RPS28: variants seen among roughly 807,000 people sequenced by gnomAD.
RPS28 encodes the protein ribosomal protein S28.
RPS28 carries 2 observed loss-of-function variants against 9.4 expected under a neutral mutation model. That is an observed-to-expected ratio of 0.21 (90% CI 0.09 to 0.67). The LOEUF (loss-of-function observed/expected upper bound fraction) is 0.67. Ranked by LOEUF, RPS28 falls within the 30% of genes least tolerant of loss-of-function variation. The pLI is 0.82. For missense variants in RPS28, 35 were observed against 95.3 expected (o/e 0.37, Z 2.63); for synonymous variants, 41 against 37.8 (o/e 1.08, Z -0.31).
Position 8,322,058 on chromosome 19 carries a change from G to C in RPS28, c.193G>C (p.Ala65Pro). The stretch of plus-strand genomic sequence containing the variant: ...CACCCTTTTGGAGTCAGAGCGAGAA[G>C]CCCGGAGGTTGCGCTGAGCTTGGCT... Reference protein sequence around the residue: ...VLTLLESEREARRLR With the variant: ...VLTLLESEREPRRLR Residue 65 changes from alanine (A) to proline (P), a missense_variant, in exon 3 of 4, where the codon GCC becomes CCC. Ala to Pro is a conservative substitution (Grantham distance 27). This residue lies in a region of RPS28 where 10 missense variants were observed against 62.8 expected (regional missense o/e 0.16). Coordinates refer to ENST00000600659, the MANE Select transcript of RPS28 (RefSeq NM_001031.5). 1 of 1,612,878 alleles carries C rather than the reference G, an allele frequency of 6.2e-7. No homozygotes were observed. The highest frequency in any genetic ancestry group is 8.5e-7 in the Non-Finnish European group (1 of 1,179,310).
In RPS28 at chr19:8,322,837, G is replaced by C. The variant is rs773608972; in HGVS notation, c.*582G>C. On this transcript the variant is annotated 3_prime_UTR_variant, in exon 4 of 4. Transcript: ENST00000600659. ...TAGGTGTAGTGAGCCAGACGAGGCAGCTTACTGAACCTGGGGGTTCTCTCC... is the reference window on the plus strand; with the variant it reads ...TAGGTGTAGTGAGCCAGACGAGGCACCTTACTGAACCTGGGGGTTCTCTCC... 8 of 1,604,364 alleles carry C rather than the reference G, an allele frequency of 5.0e-6. No individual in the cohort carries two copies. The highest frequency in any genetic ancestry group is 4.4e-5 in the South Asian group (4 of 90,084).
At position 8,322,578 on chromosome 19, in the gene RPS28, C is replaced by T. The variant is rs1266914260; in HGVS notation, c.*323C>T. ...TGCACCCTCTACCCCAAACAAAACA[C>T]AAGCGTAGTAGGAATGTTTTATTAG... On this transcript the variant is annotated 3_prime_UTR_variant, in exon 4 of 4. Coordinates refer to ENST00000600659, the MANE Select transcript of RPS28 (RefSeq NM_001031.5). The T allele has an allele frequency of 1.9e-6, 1 of 537,482 alleles. No individual in the cohort carries two copies. The highest frequency in any genetic ancestry group is 1.9e-5 in the African/African-American group (1 of 52,328). 33.3% of individuals were successfully genotyped at this position (537,482 alleles called of 1,614,324 possible). A position where few individuals can be genotyped will look rare whatever the true frequency, so the allele number is the denominator to read the frequency against.
intron 3 of RPS28, 48 bp from the exon 4 acceptor site, chr19:8,322,224 C>T: frequency 4.9e-6 from 5 of 1,021,750 alleles, no homozygotes; most frequent in Non-Finnish European, 7.4e-6. Flanking sequence ...GGGAGTTTGC[C>T]AATTGCTGCG....
rs1461247374 is a variant in RPS28 at position 8,321,676 on chromosome 19, G to A, written c.60G>A (p.Arg20=). ...KLARVTKVLG[R]TGSQGQCTQV... is the part of the protein sequence containing the mutation. ...TCCAGGTCACCAAGGTCCTGGGCAG[G>A]ACCGGTTCTCAGGGACAGTGCACGC... The change falls in exon 2 of 4, where the codon AGG becomes AGA. Residue 20 remains arginine (R), a synonymous_variant. Transcript: ENST00000600659. The A allele has an allele frequency of 1.3e-6, 2 of 1,564,922 alleles. No homozygotes were observed. The highest frequency in any genetic ancestry group is 1.7e-6 in the Non-Finnish European group (2 of 1,155,142).
In RPS28 at chr19:8,322,678, G is replaced by C; in HGVS notation, c.*423G>C. On this transcript the variant is annotated 3_prime_UTR_variant, in exon 4 of 4. Coordinates refer to ENST00000600659, the MANE Select transcript of RPS28 (RefSeq NM_001031.5). ...CACCTCACCTTGGTGGGGCCAGAGTGAGCCCCTTCCTGCCACAGTCACCCC... is the reference window on the plus strand; with the variant it reads ...CACCTCACCTTGGTGGGGCCAGAGTCAGCCCCTTCCTGCCACAGTCACCCC... 2 of 615,006 alleles carry C rather than the reference G, an allele frequency of 3.3e-6. No homozygotes were observed. The highest frequency in any genetic ancestry group is 5.8e-6 in the Non-Finnish European group (2 of 347,304). 38.1% of individuals were successfully genotyped at this position (615,006 alleles called of 1,614,324 possible).
At chr19:8,322,186 T>C in intron 3 of RPS28, 86 bp from the exon 4 acceptor site, 1 of 1,359,596 alleles carries the variant, frequency 7.4e-7, no homozygotes, top group Non-Finnish European at 1.0e-6. Context: ...AGGCAGAGTC[T>C]ACATACAGAG....
Position 8,322,086 on chromosome 19 carries a change from T to C in RPS28, c.*11T>C. 1.2e-6 allele frequency: 2 copies of C among 1,611,490 alleles called. No individual in the cohort carries two copies. The highest frequency in any genetic ancestry group is 1.7e-6 in the Non-Finnish European group (2 of 1,178,412). On this transcript the variant is annotated 3_prime_UTR_variant, in exon 3 of 4. Coordinates refer to ENST00000600659, the MANE Select transcript of RPS28 (RefSeq NM_001031.5). ...CGGAGGTTGCGCTGAGCTTGGCTGC[T>C]CGCTGGTGGGTGCAAAGAGGACACC...
At chr19:8,321,819 G>T in intron 2 of RPS28, 116 bp downstream of exon 2, 1 of 1,487,224 alleles carries the variant, frequency 6.7e-7, no homozygotes, top group Non-Finnish European at 9.2e-7. Flanking sequence ...TTCATCACGG[G>T]GTTCTGATGG....
chr19:8,322,483 G>A lies in RPS28; in HGVS notation c.*228G>A. On this transcript the variant is annotated 3_prime_UTR_variant, in exon 4 of 4. Transcript: ENST00000600659. ...GCGGTCACCGATCCTCCGCACTCTGGAAATCCTGGCCGTGCGGTCTTGCCA... is the reference window on the plus strand; with the variant it reads ...GCGGTCACCGATCCTCCGCACTCTGAAAATCCTGGCCGTGCGGTCTTGCCA... 1 of 514,574 alleles carries A rather than the reference G, an allele frequency of 1.9e-6. No individual in the cohort carries two copies. Among genetic ancestry groups the A allele is most frequent in the Admixed American group, 2.6e-5 (1 of 38,752 alleles). 31.9% of individuals were successfully genotyped at this position (514,574 alleles called of 1,614,324 possible).
In RPS28 at chr19:8,322,347, A is replaced by G. The variant is rs923891077; in HGVS notation, c.*92A>G. ...AGTCTGCTCCTTTTTTTTGTCCGCC[A>G]CACGTAACTGAGATGCTCCTTTAAA... On this transcript the variant is annotated 3_prime_UTR_variant, in exon 4 of 4. Transcript: ENST00000600659. 4.7e-6 allele frequency: 3 copies of G among 633,840 alleles called. No homozygotes were observed. Among genetic ancestry groups the G allele is most frequent in the African/African-American group, 3.6e-5 (2 of 55,822 alleles). 39.3% of individuals were successfully genotyped at this position (633,840 alleles called of 1,614,324 possible). A position where few individuals can be genotyped will look rare whatever the true frequency, so the allele number is the denominator to read the frequency against.
chr19:8,322,806 C>T lies in RPS28; in HGVS notation c.*551C>T, dbSNP rs1248783622. The T allele has an allele frequency of 2.6e-6, 4 of 1,528,604 alleles. No individual in the cohort carries two copies. Among genetic ancestry groups the T allele is most frequent in the Non-Finnish European group, 3.6e-6 (4 of 1,105,696 alleles). The allele number at this position is 1,528,604 out of a possible 1,614,324, so 94.7% of individuals were successfully genotyped here. A position where few individuals can be genotyped will look rare whatever the true frequency, so the allele number is the denominator to read the frequency against. On this transcript the variant is annotated 3_prime_UTR_variant, in exon 4 of 4. Transcript: ENST00000600659. The stretch of plus-strand genomic sequence containing the variant: ...GAGGTGACTGACGAGGAGATCTCCC[C>T]ACAGCTAGGTGTAGTGAGCCAGACG...
Position 8,321,679 on chromosome 19 carries a change from C to T in RPS28, c.63C>T (p.Thr21=), listed in dbSNP as rs775284658. Residue 21 remains threonine, a synonymous_variant, in exon 2 of 4, where the codon ACC becomes ACT. Coordinates refer to ENST00000600659, the MANE Select transcript of RPS28 (RefSeq NM_001031.5). ...LARVTKVLGR[T]GSQGQCTQVR... is the part of the protein sequence containing the mutation. ...AGGTCACCAAGGTCCTGGGCAGGAC[C>T]GGTTCTCAGGGACAGTGCACGCAGG... The T allele has an allele frequency of 5.8e-6, 9 of 1,564,658 alleles. No individual in the cohort carries two copies. The highest frequency in any genetic ancestry group is 1.7e-4 in the Middle Eastern group (1 of 5,796).
rs756916280 is a variant in RPS28 at position 8,321,636 on chromosome 19, AC to A, written c.40-17del. 7 of 1,555,926 alleles carry A rather than the reference AC, an allele frequency of 4.5e-6. No individual in the cohort carries two copies. The highest frequency in any genetic ancestry group is 6.1e-6 in the Non-Finnish European group (7 of 1,151,220). ...GAGGAGCCAAACGGGCCGGGTCTGA[AC>A]CCAGCTTCTTTCCTCCAGGTCACCA... is the stretch of plus-strand genomic sequence containing the variant. On this transcript the variant is annotated intron_variant, in intron 1 of 3. Transcript: ENST00000600659.
chr19:8,322,000 T>C lies in RPS28; in HGVS notation c.135T>C (p.Asn45=). 1 of 1,613,096 alleles carries C rather than the reference T, an allele frequency of 6.2e-7. No individual in the cohort carries two copies. The highest frequency in any genetic ancestry group is 8.5e-7 in the Non-Finnish European group (1 of 1,179,674). ...MDDTSRSIIR[N]VKGPVREGDV... is the part of the protein sequence containing the mutation. The stretch of plus-strand genomic sequence containing the variant: ...ACACGAGCCGATCCATCATCCGCAA[T>C]GTAAAAGGCCCCGTGCGCGAGGGCG... The change falls in exon 3 of 4, where the codon AAT becomes AAC. Residue 45 remains asparagine (N), a synonymous_variant. Coordinates refer to ENST00000600659, the MANE Select transcript of RPS28 (RefSeq NM_001031.5).
Position 8,322,089 on chromosome 19 carries a change from C to T in RPS28, c.*14C>T, listed in dbSNP as rs1192114826. Reference sequence around the variant, plus strand: ...AGGTTGCGCTGAGCTTGGCTGCTCGCTGGTGGGTGCAAAGAGGACACCCCT... The same window carrying T: ...AGGTTGCGCTGAGCTTGGCTGCTCGTTGGTGGGTGCAAAGAGGACACCCCT... On this transcript the variant is annotated splice_region_variant and 3_prime_UTR_variant, in exon 3 of 4. Coordinates refer to ENST00000600659, the MANE Select transcript of RPS28 (RefSeq NM_001031.5). 1 of 1,610,944 alleles carries T rather than the reference C, an allele frequency of 6.2e-7. No homozygotes were observed. The highest frequency in any genetic ancestry group is 8.5e-7 in the Non-Finnish European group (1 of 1,178,084).
chr19:8,322,784 G>T lies in RPS28; in HGVS notation c.*529G>T. 7.4e-7 allele frequency: 1 copy of T among 1,356,904 alleles called. No individual in the cohort carries two copies. The highest frequency in any genetic ancestry group is 1.2e-5 in the South Asian group (1 of 83,376). The allele number at this position is 1,356,904 out of a possible 1,614,324, so 84.1% of individuals were successfully genotyped here. A position where few individuals can be genotyped will look rare whatever the true frequency, so the allele number is the denominator to read the frequency against. On this transcript the variant is annotated 3_prime_UTR_variant, in exon 4 of 4. Transcript: ENST00000600659. ...ACCCTTCTGTGCGCCAAAGGCTGAG[G>T]TGACTGACGAGGAGATCTCCCCACA... is the stretch of plus-strand genomic sequence containing the variant.
rs1970334427 is a variant in RPS28 at position 8,322,453 on chromosome 19, C to T, written c.*198C>T. ...GTTTCTCCAGGTTTCTTGAGTGGCT[C>T]CCAGGCGGTCACCGATCCTCCGCAC... On this transcript the variant is annotated 3_prime_UTR_variant, in exon 4 of 4. Coordinates refer to ENST00000600659, the MANE Select transcript of RPS28 (RefSeq NM_001031.5). 3.7e-6 allele frequency: 2 copies of T among 537,270 alleles called. No individual in the cohort carries two copies. Among genetic ancestry groups the T allele is most frequent in the East Asian group, 9.2e-5 (2 of 21,824 alleles). 33.3% of individuals were successfully genotyped at this position (537,270 alleles called of 1,614,324 possible). A position where few individuals can be genotyped will look rare whatever the true frequency, so the allele number is the denominator to read the frequency against.
At chr19:8,321,793 G>A (rs753082191) in intron 2 of RPS28, 90 bp downstream of exon 2, 3 of 1,511,984 alleles carry the variant, frequency 2.0e-6, no homozygotes, top group Non-Finnish European at 2.7e-6. Context: ...GCCGGAATCC[G>A]GGAGCCGATT....
Position 8,322,667 on chromosome 19 carries a change from G to A in RPS28, c.*412G>A, listed in dbSNP as rs978193389. 15 of 604,762 alleles carry A rather than the reference G, an allele frequency of 2.5e-5. No individual in the cohort carries two copies. Among genetic ancestry groups the A allele is most frequent in the East Asian group, 8.4e-5 (3 of 35,852 alleles). The allele number at this position is 604,762 out of a possible 1,614,324, so 37.5% of individuals were successfully genotyped here. ...CACTTGGTCCCCACCTCACCTTGGT[G>A]GGGCCAGAGTGAGCCCCTTCCTGCC... On this transcript the variant is annotated 3_prime_UTR_variant, in exon 4 of 4. Coordinates refer to ENST00000600659, the MANE Select transcript of RPS28 (RefSeq NM_001031.5).
Sources: allele counts gnomAD v4.1 joint callset, GRCh38; gene constraint gnomAD v4.1.1; regional missense constraint gnomAD v4.1.1; transcripts MANE v1.5; gene names NCBI Gene and HGNC (gene_info 2026-07-23, HGNC 2026-07-21).